The following PRKD2 variants were observed in gnomAD, a reference collection of about 807,000 sequenced individuals.
PRKD2 encodes the protein serine/threonine-protein kinase D2.
Under a neutral mutation model 86.0 loss-of-function variants are expected in PRKD2, and 22 were observed. The ratio of observed to expected loss-of-function variants is 0.26; its 90% confidence interval spans 0.18 to 0.37. PRKD2 has a LOEUF of 0.37. Ranked by LOEUF, PRKD2 falls within the 10% of genes least tolerant of loss-of-function variation. PRKD2 has a pLI of 1.00. For synonymous variants in PRKD2, 509 were observed against 510.9 expected (o/e 1.00, Z 0.05); for missense variants, 818 against 1,199.2 (o/e 0.68, Z 4.70).
chr19:46,702,038 G>GTTTTTT (rs869093299), intron 5 of PRKD2, among the ~76,000 whole-genome samples: 2 of 131,670 alleles, frequency 1.5e-5, no homozygotes, highest in Non-Finnish European at 1.6e-5. Flanking sequence ...TCTGTTTTTT[G>GTTTTTT]TTTTTTTTTT....
intron 14 of PRKD2, among the ~76,000 whole-genome samples, chr19:46,688,346 CTGAT>C (rs2053430315): frequency 6.6e-6 from 1 of 151,870 alleles, no homozygotes; most frequent in Non-Finnish European, 1.5e-5. Context: ...GGGAGCCTGA[CTGAT>C]CATTTATTTT....
At chr19:46,691,656 G>T in intron 12 of PRKD2, 79 bp downstream of exon 12, 4 of 1,411,070 alleles carry the variant, frequency 2.8e-6, no homozygotes, top group Non-Finnish European at 3.0e-6. Context: ...AAGGGTTGGA[G>T]CCAGAAAGAA....
intron 1 of PRKD2, chr19:46,714,475 A>AGGGGGGG (rs1396713851): frequency 9.4e-5 from 1 of 10,650 alleles, no homozygotes; most frequent in Non-Finnish European, 1.9e-4. Flanking sequence ...CTCCTGGGAA[A>AGGGGGGG]GTGGGGGGGG....
At chr19:46,712,499 C>G (rs2053823814) in intron 2 of PRKD2, among the ~76,000 whole-genome samples, 2 of 152,216 alleles carry the variant, frequency 1.3e-5, no homozygotes, top group Non-Finnish European at 1.5e-5. Flanking sequence ...TGAGTTTGCG[C>G]CACTGCACTC....
At chr19:46,699,961 C>T (rs1002980842) in intron 7 of PRKD2, among the ~76,000 whole-genome samples, 3 of 149,788 alleles carry the variant, frequency 2.0e-5, no homozygotes, top group African/African-American at 7.4e-5. Context: ...ATAGGTCAGG[C>T]GCGGTGGCTC....
intron 1 of PRKD2, among the ~76,000 whole-genome samples, chr19:46,715,674 C>T (rs559361661): frequency 6.6e-6 from 1 of 152,304 alleles, no homozygotes; most frequent in African/African-American, 2.4e-5. Context: ...AATTGGGCTC[C>T]GAGACCTCAC....
intron 3 of PRKD2, among the ~76,000 whole-genome samples, chr19:46,706,366 C>T (rs372470724): frequency 6.6e-6 from 1 of 152,220 alleles, no homozygotes; most frequent in Non-Finnish European, 1.5e-5. Context: ...TCCAGTTCCA[C>T]ACCTCCTCAT....
At chr19:46,699,940 A>AG (rs2053613080) in intron 7 of PRKD2, among the ~76,000 whole-genome samples, 1 of 140,432 alleles carries the variant, frequency 7.1e-6, no homozygotes, top group African/African-American at 2.7e-5. Context: ...AAAAAAAAAA[A>AG]GAAGAGGAAT....
intron 9 of PRKD2, among the ~76,000 whole-genome samples, chr19:46,694,925 G>A (rs553708404): frequency 2.6e-4 from 39 of 152,170 alleles, no homozygotes; most frequent in South Asian, 4.1e-4. Flanking sequence ...TTAAAAATTA[G>A]GCATGGTGCC....
intron 14 of PRKD2, among the ~76,000 whole-genome samples, chr19:46,682,324 CTTTTAT>C (rs1042490823): frequency 2.6e-5 from 4 of 151,490 alleles, no homozygotes; most frequent in Non-Finnish European, 5.9e-5. Flanking sequence ...ATAATTTTTT[CTTTTAT>C]TTTTAGTAGA....
intron 8 of PRKD2, 137 bp from the exon 9 acceptor site, chr19:46,697,371 C>T: frequency 1.6e-6 from 1 of 642,334 alleles, no homozygotes; most frequent in South Asian, 1.9e-5. Flanking sequence ...CACGCCGTAA[C>T]CCCACCCCAC....
Position 46,693,747 on chromosome 19 carries a change from G to A in PRKD2, c.1576+128C>T. 7.4e-7 allele frequency: 1 copy of A among 1,351,360 alleles called. No individual in the cohort carries two copies. Among genetic ancestry groups the A allele is most frequent in the Non-Finnish European group, 1.0e-6 (1 of 999,442 alleles). The allele number at this position is 1,351,360 out of a possible 1,614,324, so 83.7% of individuals were successfully genotyped here. The stretch of plus-strand genomic sequence containing the variant: ...ATTAACAGAGTTTGAACCCAGGCCT[G>A]CTGAGTCCAGAAGCTGCGTTCTCAA... On this transcript the variant is annotated intron_variant, in intron 10 of 17. Transcript: ENST00000291281. The surrounding 1 kb of genome is among the most constrained non-coding windows in gnomAD (Gnocchi z 4.5).
At chr19:46,686,443 C>T (rs1002477306) in intron 14 of PRKD2, among the ~76,000 whole-genome samples, 1 of 149,002 alleles carries the variant, frequency 6.7e-6, no homozygotes, top group Non-Finnish European at 1.5e-5. Context: ...CAAGACCAGC[C>T]TGGGCAACAT....
intron 17 of PRKD2, 118 bp from the exon 18 acceptor site, chr19:46,674,853 C>G: frequency 8.1e-7 from 1 of 1,238,620 alleles, no homozygotes. Context: ...CCTCTGCAAC[C>G]CACCCAGCCA....
rs553302740 is a variant in PRKD2 at position 46,711,013 on chromosome 19, C to T, written c.405G>A (p.Gln135=). Residue 135 remains glutamine (Q), a synonymous_variant, in exon 3 of 18, where the codon CAG becomes CAA. Coordinates refer to ENST00000291281, the MANE Select transcript of PRKD2 (RefSeq NM_016457.5). ...LSASATFEDF[Q]IRPHALTVHS... is the part of the protein sequence containing the mutation. ...GCACCGTGAGGGCGTGCGGGCGGAT[C>T]TGGAAGTCCTCGAAGGTGGCCGAGG... The T allele has an allele frequency of 6.3e-7, 1 of 1,581,942 alleles. No homozygotes were observed. Among genetic ancestry groups the T allele is most frequent in the Admixed American group, 1.8e-5 (1 of 55,014 alleles).
At chr19:46,690,126 C>T (rs1416110447) in intron 13 of PRKD2, among the ~76,000 whole-genome samples, 1 of 152,128 alleles carries the variant, frequency 6.6e-6, no homozygotes, top group Non-Finnish European at 1.5e-5. Flanking sequence ...GGGGAGAGCT[C>T]TGCACATCTG....
intron 3 of PRKD2, among the ~76,000 whole-genome samples, chr19:46,706,587 G>T (rs2053717506): frequency 1.3e-5 from 2 of 152,176 alleles, no homozygotes; most frequent in Admixed American, 1.3e-4. Flanking sequence ...TTAAACTCCT[G>T]TCGGAATGTA....
chr19:46,674,428 T>G lies in PRKD2; in HGVS notation c.*95A>C. 6 of 1,344,714 alleles carry G rather than the reference T, an allele frequency of 4.5e-6. No individual in the cohort carries two copies. Among genetic ancestry groups the G allele is most frequent in the South Asian group, 1.4e-5 (1 of 68,970 alleles). The allele number at this position is 1,344,714 out of a possible 1,614,324, so 83.3% of individuals were successfully genotyped here. ...CCCACTCCCCACGTGTCCCATCCAG[T>G]TTGGGCAGGAAGCCACTTTCCCTAG... On this transcript the variant is annotated 3_prime_UTR_variant, in exon 18 of 18. Transcript: ENST00000291281.
At chr19:46,696,239 T>C (rs955951189) in intron 9 of PRKD2, among the ~76,000 whole-genome samples, 5 of 152,146 alleles carry the variant, frequency 3.3e-5, no homozygotes, top group African/African-American at 1.2e-4. Flanking sequence ...AGGTAACAGC[T>C]GGAGTCCAGG....
Sources: allele counts gnomAD v4.1 joint callset (sites outside exome capture counted in the v4.1 genomes callset), GRCh38; gene constraint gnomAD v4.1.1; non-coding constraint Gnocchi (gnomAD v3.1); transcripts MANE v1.5; gene names NCBI Gene and HGNC (gene_info 2026-07-23, HGNC 2026-07-21).